The following ADAM10 variants were observed in gnomAD, a reference collection of about 807,000 sequenced individuals.
The protein encoded by ADAM10 is ADAM metallopeptidase domain 10.
ADAM10 carries 17 observed loss-of-function variants against 90.1 expected under a neutral mutation model. The observed-to-expected ratio is 0.19, with a 90% CI of 0.13 to 0.28. ADAM10 has a LOEUF of 0.28. Ranked by LOEUF, ADAM10 falls within the 10% of genes least tolerant of loss-of-function variation. ADAM10 has a pLI of 1.00. For missense variants in ADAM10, 610 were observed against 914.3 expected (o/e 0.67, Z 4.29); for synonymous variants, 310 against 298.6 (o/e 1.04, Z -0.40).
chr15:58,612,566 T>C (rs1895472675), intron 11 of ADAM10, among the ~76,000 whole-genome samples: 1 of 152,132 alleles, frequency 6.6e-6, no homozygotes, highest in South Asian at 2.1e-4. Flanking sequence ...TTGCTGTTGC[T>C]GCACCTGGTC....
At chr15:58,601,222 G>A (rs968688987) in intron 14 of ADAM10, among the ~76,000 whole-genome samples, 4 of 152,166 alleles carry the variant, frequency 2.6e-5, no homozygotes, top group African/African-American at 7.2e-5. Flanking sequence ...AGCACTTTGG[G>A]AGGCCGGGGC....
chr15:58,676,694 G>C (rs977084831), intron 4 of ADAM10, among the ~76,000 whole-genome samples: 4 of 152,086 alleles, frequency 2.6e-5, no homozygotes, highest in African/African-American at 4.8e-5. Flanking sequence ...GCTTATACCT[G>C]GAGTCCCAGC....
intron 5 of ADAM10, among the ~76,000 whole-genome samples, chr15:58,646,852 A>G (rs1482273255): frequency 6.6e-6 from 1 of 152,152 alleles, no homozygotes; most frequent in Non-Finnish European, 1.5e-5. Flanking sequence ...AGCTTTTCTC[A>G]TTCCACATTA....
chr15:58,737,931 G>C (rs1595669707), intron 1 of ADAM10, among the ~76,000 whole-genome samples: 1 of 152,184 alleles, frequency 6.6e-6, no homozygotes, highest in South Asian at 2.1e-4. Flanking sequence ...CATATAACAA[G>C]CAAGTTTTTT....
At chr15:58,688,622 T>C (rs1430014437) in intron 2 of ADAM10, among the ~76,000 whole-genome samples, 2 of 145,606 alleles carry the variant, frequency 1.4e-5, no homozygotes, top group South Asian at 2.2e-4. Flanking sequence ...ATGGGGAAAA[T>C]ATAAGCACAA....
At chr15:58,749,302 G>C (rs1287565006) in intron 1 of ADAM10, among the ~76,000 whole-genome samples, 178 bp downstream of exon 1, 1 of 152,146 alleles carries the variant, frequency 6.6e-6, no homozygotes, top group Admixed American at 6.5e-5. Context: ...GCCACCGAAG[G>C]GAAAGCGGTC....
At chr15:58,701,809 A>AAAT (rs1302221612) in intron 2 of ADAM10, among the ~76,000 whole-genome samples, 2 of 152,144 alleles carry the variant, frequency 1.3e-5, no homozygotes, top group Non-Finnish European at 2.9e-5. Context: ...TGACTATTAA[A>AAAT]AATAATAATA....
intron 1 of ADAM10, among the ~76,000 whole-genome samples, chr15:58,731,702 G>A (rs1412856460): frequency 3.3e-5 from 5 of 152,282 alleles, no homozygotes; most frequent in South Asian, 2.1e-4. Flanking sequence ...CAAGCACCCT[G>A]AGGTGACCCC....
In ADAM10 at chr15:58,592,457, G is replaced by A. The variant is rs1894843270; in HGVS notation, c.*5090C>T. ...GCTAAAGTTATCTCAGCCTTGGCCAGTGGTAACTTCTAAGGTGCCTCCTGA... is the reference window on the plus strand; with the variant it reads ...GCTAAAGTTATCTCAGCCTTGGCCAATGGTAACTTCTAAGGTGCCTCCTGA... On this transcript the variant is annotated 3_prime_UTR_variant, in exon 16 of 16. Transcript: ENST00000260408. 1 of 152,182 alleles carries A rather than the reference G, an allele frequency of 6.6e-6. No individual in the cohort carries two copies. Among genetic ancestry groups the A allele is most frequent in the South Asian group, 2.1e-4 (1 of 4,824 alleles). The allele number at this position is 152,182 out of a possible 1,614,324, so 9.4% of individuals were successfully genotyped here.
At chr15:58,659,287 A>C (rs1476093878) in intron 5 of ADAM10, among the ~76,000 whole-genome samples, 1 of 152,202 alleles carries the variant, frequency 6.6e-6, no homozygotes, top group East Asian at 1.9e-4. Flanking sequence ...AAGAAAAAAA[A>C]AAAGCTTTTA....
intron 1 of ADAM10, chr15:58,732,726 G>C (rs778791203): frequency 7.0e-6 from 1 of 143,698 alleles, no homozygotes; most frequent in Non-Finnish European, 1.5e-5. Flanking sequence ...AAAAAAAAAA[G>C]AGTGAGCTTA....
intron 5 of ADAM10, among the ~76,000 whole-genome samples, chr15:58,664,235 T>C (rs575962452): frequency 6.6e-6 from 1 of 152,192 alleles, no homozygotes; most frequent in South Asian, 2.1e-4. Flanking sequence ...CTCTTGTGTG[T>C]AGAATATCAT....
chr15:58,634,575 G>A (rs1363205134), intron 8 of ADAM10, among the ~76,000 whole-genome samples: 1 of 151,962 alleles, frequency 6.6e-6, no homozygotes, highest in Admixed American at 6.6e-5. Flanking sequence ...AATAATAATA[G>A]GAAAATCAGA....
At chr15:58,737,385 G>C (rs1438706459) in intron 1 of ADAM10, among the ~76,000 whole-genome samples, 2 of 151,990 alleles carry the variant, frequency 1.3e-5, no homozygotes, top group Admixed American at 6.6e-5. Context: ...TAAAGAACCT[G>C]ACTGACTAAA....
At chr15:58,626,099 G>A (rs190335140) in intron 10 of ADAM10, among the ~76,000 whole-genome samples, 36 of 151,792 alleles carry the variant, frequency 2.4e-4, no homozygotes, top group Admixed American at 1.9e-3. Flanking sequence ...ATAAATCTAC[G>A]CATGTAATAA....
At chr15:58,620,649 A>G (rs1256791239) in intron 11 of ADAM10, among the ~76,000 whole-genome samples, 1 of 137,956 alleles carries the variant, frequency 7.2e-6, no homozygotes, top group Non-Finnish European at 1.5e-5. Flanking sequence ...ATAAGTAACT[A>G]AAGAATATGT....
chr15:58,635,058 A>G (rs1176238227), intron 8 of ADAM10, among the ~76,000 whole-genome samples: 1 of 152,006 alleles, frequency 6.6e-6, no homozygotes, highest in Non-Finnish European at 1.5e-5. Flanking sequence ...ATGTGTTTCA[A>G]AGAAACACAA....
chr15:58,627,189 T>C (rs1449792508), intron 10 of ADAM10, among the ~76,000 whole-genome samples: 3 of 152,142 alleles, frequency 2.0e-5, no homozygotes, highest in Non-Finnish European at 4.4e-5. Flanking sequence ...GTATAAACTG[T>C]ATACTTTCAC....
intron 1 of ADAM10, among the ~76,000 whole-genome samples, chr15:58,731,250 G>C (rs756132127): frequency 6.6e-6 from 1 of 152,174 alleles, no homozygotes; most frequent in Non-Finnish European, 1.5e-5. Context: ...TGTACACTGA[G>C]TACTATGCTG....
Sources: gnomAD v4.1 joint callset for allele counts (sites outside exome capture counted in the v4.1 genomes callset) on GRCh38, gnomAD v4.1.1 for gene constraint, MANE v1.5 for transcripts, NCBI Gene and HGNC (gene_info 2026-07-23, HGNC 2026-07-21) for gene names.